The following ABI3BP variants were observed in gnomAD, a reference collection of about 807,000 sequenced individuals.
The protein encoded by ABI3BP is target of Nesh-SH3.
In ABI3BP, 216 loss-of-function variants were observed where a neutral mutation model predicts 268.6. The observed-to-expected ratio is 0.80, with a 90% CI of 0.72 to 0.90. The LOEUF (loss-of-function observed/expected upper bound fraction) is 0.90, where lower values mean the gene tolerates loss of function less well. Among genes scored for constraint, ABI3BP ranks in the 40% least tolerant of loss-of-function variants. The pLI is 0.00. For missense variants in ABI3BP, 2,090 were observed against 2,182.4 expected, an observed-to-expected ratio of 0.96 and a Z score of 0.84; for synonymous variants, 730 against 730.0, an observed-to-expected ratio of 1.00 and a Z score of 0.00.
chr3:100,974,214 C>T (rs563682274), intron 1 of ABI3BP, among the ~76,000 whole-genome samples: 2 of 152,184 alleles, frequency 1.3e-5, no homozygotes, highest in East Asian at 1.9e-4. Context: ...TTCTTATAAA[C>T]AAACACTTAA....
At chr3:100,829,695 C>G in intron 32 of ABI3BP, 31 bp from the exon 33 acceptor site, 1 of 1,487,790 alleles carries the variant, frequency 6.7e-7, no homozygotes, top group African/African-American at 1.4e-5. Context: ...GTTAATACAG[C>G]GTGTTTGGTT....
intron 65 of ABI3BP, 90 bp from the exon 66 acceptor site, chr3:100,753,038 T>TA: frequency 8.0e-7 from 1 of 1,256,948 alleles, no homozygotes; most frequent in Non-Finnish European, 1.1e-6. Context: ...AACTTGCTGA[T>TA]ACCTTTTTTT....
chr3:100,946,523 T>C (rs1470483064), intron 1 of ABI3BP, among the ~76,000 whole-genome samples: 4 of 151,996 alleles, frequency 2.6e-5, no homozygotes, highest in African/African-American at 9.7e-5. Flanking sequence ...GTGTGGTGGC[T>C]CACACCTGTA....
Position 100,847,663 on chromosome 3 carries a change from TGTG to T in ABI3BP, c.1584_1586del (p.Thr529del), listed in dbSNP as rs759442652. The T allele has an allele frequency of 6.2e-7, 1 of 1,613,530 alleles. No homozygotes were observed. Among genetic ancestry groups the T allele is most frequent in the Non-Finnish European group, 8.5e-7 (1 of 1,179,500 alleles). Reference sequence around the variant, plus strand: ...TTTTAGGTGTAATTGTTCCGGCACTTGTGGTTCTTTCTGGTGATGGAAAGGAAA... The same window carrying T: ...TTTTAGGTGTAATTGTTCCGGCACTTGTTCTTTCTGGTGATGGAAAGGAAA... On this transcript the variant is annotated inframe_deletion, in exon 19 of 68. Transcript: ENST00000471714.
At chr3:100,916,140 C>A (rs150042601) in intron 2 of ABI3BP, among the ~76,000 whole-genome samples, 2 of 152,170 alleles carry the variant, frequency 1.3e-5, no homozygotes, top group East Asian at 1.9e-4. Context: ...AGAGACTGTA[C>A]ACTCGCACAC....
intron 1 of ABI3BP, among the ~76,000 whole-genome samples, chr3:100,947,402 C>G (rs999609070): frequency 6.6e-6 from 1 of 151,638 alleles, no homozygotes; most frequent in East Asian, 1.9e-4. Context: ...TGAATGAATC[C>G]GTTTGAAAAA....
At position 100,821,008 on chromosome 3, in the gene ABI3BP, C is replaced by T. The variant is rs117680772; in HGVS notation, c.2947+46G>A. On this transcript the variant is annotated intron_variant, in intron 39 of 67. Transcript: ENST00000471714. ...GGCTATGATGATGGAATGGGTTTGACGATGAGAAGGAAGAACACTTAATGA... is the reference window on the plus strand; with the variant it reads ...GGCTATGATGATGGAATGGGTTTGATGATGAGAAGGAAGAACACTTAATGA... The T allele has an allele frequency of 5.3e-4, 772 of 1,468,246 alleles. 12 individuals carry two copies. The East Asian group carries it at 0.014, about 27-fold the overall frequency. 91.0% of individuals were successfully genotyped at this position (1,468,246 alleles called of 1,614,324 possible).
intron 43 of ABI3BP, chr3:100,816,336 A>C (rs538999112): frequency 2.3e-6 from 1 of 439,254 alleles, no homozygotes; most frequent in African/African-American, 2.0e-5. Flanking sequence ...TGGAAGTTGA[A>C]AATAAATGCC....
At chr3:100,880,599 A>G (rs76233520) in intron 6 of ABI3BP, among the ~76,000 whole-genome samples, 4,509 of 152,216 alleles carry the variant, frequency 0.03, 243 homozygotes, top group East Asian at 0.27. Context: ...ACACTCAATA[A>G]GGAGAGACTA....
rs1022716417 is a variant in ABI3BP at position 100,886,326 on chromosome 3, G to A, written c.462-3C>T. On this transcript the variant is annotated splice_region_variant and splice_polypyrimidine_tract_variant and intron_variant, in intron 4 of 67. Coordinates refer to ENST00000471714, the MANE Select transcript of ABI3BP (RefSeq NM_001375547.2). ...CTCGATAGCGAATTGTATAAAATCT[G>A]TTGAATAACCAGAATATAATGCTTT... 1 of 1,570,232 alleles carries A rather than the reference G, an allele frequency of 6.4e-7. No homozygotes were observed. Among genetic ancestry groups the A allele is most frequent in the Non-Finnish European group, 8.6e-7 (1 of 1,156,898 alleles).
chr3:100,796,558 T>C (rs1222743556), intron 51 of ABI3BP, 90 bp from the exon 52 acceptor site: 6 of 953,832 alleles, frequency 6.3e-6, no homozygotes, highest in Non-Finnish European at 9.2e-6. Context: ...CCAGAAAGCA[T>C]GAATGAAGCA....
chr3:100,797,330 T>C (rs1050411051), intron 51 of ABI3BP, among the ~76,000 whole-genome samples: 3 of 152,066 alleles, frequency 2.0e-5, no homozygotes, highest in African/African-American at 7.2e-5. Context: ...TAGTACCAGA[T>C]TTCTGCAACA....
chr3:100,864,132 G>A, intron 11 of ABI3BP, 56 bp from the exon 12 acceptor site: 1 of 1,158,892 alleles, frequency 8.6e-7, no homozygotes, highest in Non-Finnish European at 1.2e-6. Context: ...TGATGTTGTG[G>A]CTTAACCATG....
rs756731166 is a variant in ABI3BP, at chr3:100,753,858, A to T, written c.4931-10T>A. The T allele has an allele frequency of 1.4e-5, 22 of 1,606,614 alleles. No homozygotes were observed. Among genetic ancestry groups the T allele is most frequent in the Non-Finnish European group, 1.7e-5 (20 of 1,176,622 alleles). On this transcript the variant is annotated splice_polypyrimidine_tract_variant and intron_variant, in intron 64 of 67. Transcript: ENST00000471714. ...CTCACTCTTGGGTCCGCTGAGGAGAAATAAATAGAAAAGTCAGACCTTACT... is the reference window on the plus strand; with the variant it reads ...CTCACTCTTGGGTCCGCTGAGGAGATATAAATAGAAAAGTCAGACCTTACT...
At chr3:100,752,718 A>G in intron 66 of ABI3BP, 69 bp downstream of exon 66, 1 of 1,538,146 alleles carries the variant, frequency 6.5e-7, no homozygotes, top group Non-Finnish European at 8.8e-7. Context: ...AGAAAAGGCC[A>G]AGTTGTACAA....
At chr3:100,906,208 T>C (rs145818458) in intron 2 of ABI3BP, among the ~76,000 whole-genome samples, 1 of 152,182 alleles carries the variant, frequency 6.6e-6, no homozygotes, top group Non-Finnish European at 1.5e-5. Flanking sequence ...AAAAATAACA[T>C]ATACAGAAGC....
chr3:100,875,275 C>T (rs1177556353), intron 8 of ABI3BP, among the ~76,000 whole-genome samples: 2 of 152,122 alleles, frequency 1.3e-5, no homozygotes, highest in Non-Finnish European at 2.9e-5. Flanking sequence ...AGGACAGGTG[C>T]CATCATTCCC....
chr3:100,902,349 T>C (rs1638720582), intron 3 of ABI3BP, among the ~76,000 whole-genome samples: 1 of 152,152 alleles, frequency 6.6e-6, no homozygotes, highest in African/African-American at 2.4e-5. Flanking sequence ...GACAACCCTA[T>C]TATGCAGCAG....
At chr3:100,771,856 C>A (rs985859968) in intron 61 of ABI3BP, among the ~76,000 whole-genome samples, 4 of 151,952 alleles carry the variant, frequency 2.6e-5, no homozygotes, top group Admixed American at 2.0e-4. Context: ...AAATAATGGT[C>A]CCAAATCTTC....
Sources: gnomAD v4.1 joint callset for allele counts (sites outside exome capture counted in the v4.1 genomes callset) on GRCh38, gnomAD v4.1.1 for gene constraint, MANE v1.5 for transcripts, NCBI Gene and HGNC (gene_info 2026-07-23, HGNC 2026-07-21) for gene names.